PLEKHH2: variants seen among roughly 807,000 people sequenced by gnomAD.
PLEKHH2 encodes pleckstrin homology, MyTH4 and FERM domain containing H2.
A neutral mutation model predicts 187.9 loss-of-function variants in PLEKHH2; 129 were observed. The ratio of observed to expected loss-of-function variants is 0.69; its 90% CI spans 0.59 to 0.79. The LOEUF is 0.79. PLEKHH2 is among the 30% of genes least tolerant of loss of function. The pLI is 0.00. For synonymous variants in PLEKHH2, 686 were observed against 605.6 expected, an observed-to-expected ratio of 1.13 and a Z score of -1.95; for missense variants, 2,076 against 1,751.2, an observed-to-expected ratio of 1.19 and a Z score of -3.31.
Position 43,668,975 on chromosome 2 carries a change from C to T in PLEKHH2, c.124-9888C>T, listed in dbSNP as rs540887316. On this transcript the variant is annotated intron_variant, in intron 2 of 29. Coordinates refer to ENST00000282406, the MANE Select transcript of PLEKHH2 (RefSeq NM_172069.4). ...GTAACTGCTCTCTAACTTGAGAGAA[C>T]TCTGGATGATCAAGGAGTAGGGAAT... 3.9e-5 allele frequency among the ~76,000 whole-genome samples: 6 copies of T among 152,286 alleles called. No homozygotes were observed. The South Asian group carries it at 1.2e-3, about 32-fold the overall frequency.
At chr2:43,711,974 A>G in intron 14 of PLEKHH2, 1 of 1,206,644 alleles carries the variant, frequency 8.3e-7, no homozygotes, top group Non-Finnish European at 1.0e-6. Context: ...AACAAGATAT[A>G]AAATCATAAC....
At chr2:43,675,360 A>T in intron 2 of PLEKHH2, 2 of 1,545,834 alleles carry the variant, frequency 1.3e-6, no homozygotes, top group East Asian at 2.2e-5. Context: ...GCACAGGTCT[A>T]TTATTCTCCA....
chr2:43,680,820 T>C (rs1016976368), intron 3 of PLEKHH2: 9 of 436,560 alleles, frequency 2.1e-5, no homozygotes, highest in Non-Finnish European at 3.0e-5. Context: ...ATATCTTTCT[T>C]GATTGTATTT....
chr2:43,696,435 C>A (rs1466826023), intron 6 of PLEKHH2, among the ~76,000 whole-genome samples: 1 of 150,470 alleles, frequency 6.6e-6, no homozygotes, highest in African/African-American at 2.5e-5. Context: ...CTGCAGTGAG[C>A]CATGATCATG....
chr2:43,696,487 C>CAAAAAA (rs11380251), intron 6 of PLEKHH2, among the ~76,000 whole-genome samples: 1 of 112,760 alleles, frequency 8.9e-6, no homozygotes, highest in African/African-American at 3.5e-5. Flanking sequence ...CACCCTGTCT[C>CAAAAAA]AAAAAAAAAA....
At chr2:43,673,600 A>G (rs1448858044) in intron 2 of PLEKHH2, among the ~76,000 whole-genome samples, 2 of 152,214 alleles carry the variant, frequency 1.3e-5, no homozygotes, top group Non-Finnish European at 2.9e-5. Flanking sequence ...TAACACATAT[A>G]TATGGTAGAA....
chr2:43,690,155 C>T (rs574022251), intron 3 of PLEKHH2, among the ~76,000 whole-genome samples: 1 of 152,308 alleles, frequency 6.6e-6, no homozygotes, highest in Admixed American at 6.5e-5. Context: ...ATAGCTATAC[C>T]ATCTTAAGAT....
intron 11 of PLEKHH2, 67 bp from the exon 12 acceptor site, chr2:43,709,923 C>G: frequency 7.0e-7 from 1 of 1,432,286 alleles, no homozygotes; most frequent in Non-Finnish European, 9.5e-7. Flanking sequence ...TGTAGGAGCA[C>G]TCAGAGCTGG....
chr2:43,686,524 C>A (rs957468706), intron 3 of PLEKHH2, among the ~76,000 whole-genome samples: 2 of 152,184 alleles, frequency 1.3e-5, no homozygotes, highest in Admixed American at 6.5e-5. Context: ...CTTAATAAAT[C>A]AATACTGCTC....
At chr2:43,658,777 T>G (rs1308822124) in intron 2 of PLEKHH2, 2 of 152,180 alleles carry the variant, frequency 1.3e-5, no homozygotes, top group African/African-American at 4.8e-5. Flanking sequence ...TCAGAAGTCA[T>G]ACTTCATCAT....
chr2:43,736,812 C>T (rs550215947), intron 19 of PLEKHH2, among the ~76,000 whole-genome samples: 3 of 152,140 alleles, frequency 2.0e-5, no homozygotes, highest in East Asian at 1.9e-4. Flanking sequence ...CAGAGCAAGA[C>T]TCCGTCTAAA....
intron 24 of PLEKHH2, among the ~76,000 whole-genome samples, chr2:43,753,004 T>C (rs1200816475): frequency 1.3e-5 from 2 of 152,174 alleles, no homozygotes; most frequent in Non-Finnish European, 2.9e-5. Context: ...CCTCCCCTTA[T>C]TTGATGTTGA....
rs140937848 is a variant in PLEKHH2 at position 43,701,612 on chromosome 2, C to A, written c.1650+1004C>A. ...TAATTTTCTTTTTGAGCTTATATAG[C>A]CATTGGTTTCCAAAGTATCTTTCTA... On this transcript the variant is annotated intron_variant, in intron 8 of 29. Coordinates refer to ENST00000282406, the MANE Select transcript of PLEKHH2 (RefSeq NM_172069.4). 4.4e-3 allele frequency among the ~76,000 whole-genome samples: 665 copies of A among 151,626 alleles called. 5 individuals are homozygous for A. Among genetic ancestry groups the A allele is most frequent in the African/African-American group, 0.015 (614 of 41,314 alleles).
chr2:43,672,510 G>T (rs1002129620), intron 2 of PLEKHH2, among the ~76,000 whole-genome samples: 1 of 152,122 alleles, frequency 6.6e-6, no homozygotes, highest in African/African-American at 2.4e-5. Context: ...AGTGCAGCTG[G>T]AATCACAAAA....
In PLEKHH2 at chr2:43,765,674, C is replaced by T. The variant is rs1672596744; in HGVS notation, c.*76C>T. 7.0e-7 allele frequency: 1 copy of T among 1,418,444 alleles called. No homozygotes were observed. The highest frequency in any genetic ancestry group is 1.4e-5 in the African/African-American group (1 of 69,502). 87.9% of individuals were successfully genotyped at this position (1,418,444 alleles called of 1,614,324 possible). On this transcript the variant is annotated 3_prime_UTR_variant, in exon 30 of 30. Transcript: ENST00000282406. The stretch of plus-strand genomic sequence containing the variant: ...TCAGCTCCCTACAAGTTCGTTTACA[C>T]CTGGCAGCACGGCAGCCACACACCG...
chr2:43,637,603 G>C (rs1002254772), intron 1 of PLEKHH2, among the ~76,000 whole-genome samples: 2 of 152,200 alleles, frequency 1.3e-5, no homozygotes, highest in South Asian at 2.1e-4. Context: ...ATGTCGCCGG[G>C]AGAGGTGGGC....
At chr2:43,756,092 T>C (rs1228784498) in intron 25 of PLEKHH2, among the ~76,000 whole-genome samples, 2 of 152,134 alleles carry the variant, frequency 1.3e-5, no homozygotes, top group Non-Finnish European at 2.9e-5. Context: ...AACTTCATGC[T>C]CCAATAAAGT....
rs575078692 is a variant in PLEKHH2 at position 43,686,325 on chromosome 2, T to A, written c.187-6189T>A. ...ATTTCTCCTGCCTCCACCTCCCGAG[T>A]AGCTGGGAATACAGGTGCATGCCAC... On this transcript the variant is annotated intron_variant, in intron 3 of 29. Coordinates refer to ENST00000282406, the MANE Select transcript of PLEKHH2 (RefSeq NM_172069.4). Among the ~76,000 whole-genome samples the A allele has an allele frequency of 2.6e-5, 4 of 152,204 alleles. No homozygotes were observed. The East Asian group carries it at 7.7e-4, about 29-fold the overall frequency.
chr2:43,753,805 A>G, intron 25 of PLEKHH2, 45 bp downstream of exon 25: 2 of 1,362,506 alleles, frequency 1.5e-6, no homozygotes, highest in Non-Finnish European at 2.0e-6. Flanking sequence ...ATAATATGAT[A>G]CTAATTTCTA....
Sources: gnomAD v4.1 joint callset for allele counts (sites outside exome capture counted in the v4.1 genomes callset) on GRCh38, gnomAD v4.1.1 for gene constraint, MANE v1.5 for transcripts, NCBI Gene and HGNC (gene_info 2026-07-23, HGNC 2026-07-21) for gene names.